CCNH: variants seen among roughly 807,000 people sequenced by gnomAD.
CCNH encodes cyclin-H.
Under a neutral mutation model 41.9 loss-of-function variants are expected in CCNH, and 31 were observed. The ratio of observed to expected loss-of-function variants is 0.74; its 90% CI spans 0.56 to 1.00. CCNH has a LOEUF of 1.00. Ranked by LOEUF, CCNH falls within the 50% of genes least tolerant of loss-of-function variation. The pLI, the probability that CCNH is intolerant of heterozygous loss-of-function variation, is 0.00. For synonymous variants in CCNH, 138 were observed against 136.1 expected, an observed-to-expected ratio of 1.01 and a Z score of -0.10; for missense variants, 362 against 388.4, an observed-to-expected ratio of 0.93 and a Z score of 0.57.
At chr5:87,385,603 G>C (rs1023612315) in intron 9 of CCNH, among the ~76,000 whole-genome samples, 3 of 151,984 alleles carry the variant, frequency 2.0e-5, no homozygotes, top group Non-Finnish European at 4.4e-5. Context: ...TATAGAAAAC[G>C]AATTTTTCAA....
chr5:87,394,882 T>G, intron 8 of CCNH, 162 bp downstream of exon 8: 1 of 1,415,724 alleles, frequency 7.1e-7, no homozygotes, highest in Non-Finnish European at 9.2e-7. Flanking sequence ...AAAAATCCCT[T>G]TAATAATGGA....
chr5:87,408,352 A>G (rs1041644901), intron 3 of CCNH, among the ~76,000 whole-genome samples, 166 bp from the exon 4 acceptor site: 2 of 152,216 alleles, frequency 1.3e-5, no homozygotes, highest in Non-Finnish European at 2.9e-5. Context: ...TTTAAAAGAC[A>G]CTTCCTGTTC....
rs749876769 is a variant in CCNH, at chr5:87,369,846, T to G, written c.*90+22924A>C. ...GTTTTCAGATAGTAGTTCAGCACTT[T>G]AGTGAAGAACATTACATCTTTTACT... On this transcript the variant is annotated intron_variant and NMD_transcript_variant, in intron 9 of 9. Transcript: ENST00000645953. 4.3e-6 allele frequency: 7 copies of G among 1,612,310 alleles called. No homozygotes were observed. In the South Asian group the frequency reaches 7.7e-5, roughly 18 times the overall value.
chr5:87,395,477 C>T (rs1211776231), intron 7 of CCNH, among the ~76,000 whole-genome samples: 1 of 152,002 alleles, frequency 6.6e-6, no homozygotes, highest in Non-Finnish European at 1.5e-5. Flanking sequence ...TTAAACAGAT[C>T]AATGATCAGA....
At chr5:87,366,153 C>T (rs886357267) in intron 9 of CCNH, among the ~76,000 whole-genome samples, 1 of 151,962 alleles carries the variant, frequency 6.6e-6, no homozygotes, top group South Asian at 2.1e-4. Flanking sequence ...ATGTACAATA[C>T]AAAAAGATAT....
intron 9 of CCNH, among the ~76,000 whole-genome samples, chr5:87,321,698 C>T (rs1756823535): frequency 6.6e-6 from 1 of 152,244 alleles, no homozygotes; most frequent in Admixed American, 6.5e-5. Flanking sequence ...TAGGGTATGC[C>T]ACTCTCCCAG....
downstream of CCNH, chr5:87,394,230 A>AGTC: frequency 8.2e-7 from 1 of 1,213,710 alleles, no homozygotes; most frequent in Non-Finnish European, 1.0e-6. Flanking sequence ...ATTTGATATT[A>AGTC]GTCACGATGG....
chr5:87,409,388 T>G (rs568653433), intron 2 of CCNH, 25 bp from the exon 3 acceptor site: 1 of 1,272,570 alleles, frequency 7.9e-7, no homozygotes, highest in Non-Finnish European at 1.1e-6. Flanking sequence ...AAATATATCA[T>G]CAGGATCTAG....
chr5:87,315,562 A>C (rs1418167917), downstream of CCNH, among the ~76,000 whole-genome samples: 1 of 152,236 alleles, frequency 6.6e-6, no homozygotes, highest in Non-Finnish European at 1.5e-5. Context: ...CTTTTAAAAA[A>C]ATCTTGTGTT....
downstream of CCNH, among the ~76,000 whole-genome samples, chr5:87,374,566 A>G (rs1761191183): frequency 6.6e-6 from 1 of 150,702 alleles, no homozygotes; most frequent in Non-Finnish European, 1.5e-5. Context: ...AAAAACATTT[A>G]CTAACCCACA....
At chr5:87,341,333 T>A in intron 9 of CCNH, 1 of 1,313,506 alleles carries the variant, frequency 7.6e-7, no homozygotes. Context: ...TGAGTTTGTG[T>A]TAATTATTAA....
At chr5:87,346,852 G>C in intron 9 of CCNH, 1 of 605,050 alleles carries the variant, frequency 1.7e-6, no homozygotes. Flanking sequence ...TTCGTGTCCA[G>C]TACTAAGAAG....
chr5:87,369,026 C>A lies in CCNH; in HGVS notation c.*90+23744G>T, dbSNP rs78087724. Among the ~76,000 whole-genome samples the A allele has an allele frequency of 7.0e-3, 1,068 of 152,222 alleles. 17 individuals are homozygous for A. The highest frequency in any genetic ancestry group is 0.07 in the South Asian group (336 of 4,822). On this transcript the variant is annotated intron_variant and NMD_transcript_variant, in intron 9 of 9. Transcript: ENST00000645953. ...CATTCTCAAAGCATGAAAATATAGTCTTTATCTTTAATAAGTGTTAAGCTT... is the reference window on the plus strand; with the variant it reads ...CATTCTCAAAGCATGAAAATATAGTATTTATCTTTAATAAGTGTTAAGCTT...
downstream of CCNH, among the ~76,000 whole-genome samples, chr5:87,375,178 A>G (rs746718468): frequency 2.0e-5 from 3 of 152,164 alleles, no homozygotes; most frequent in Non-Finnish European, 4.4e-5. Context: ...TCTCCAATGA[A>G]TAGGAAGAAT....
At chr5:87,402,397 C>G (rs1452757322) in intron 5 of CCNH, among the ~76,000 whole-genome samples, 4 of 152,118 alleles carry the variant, frequency 2.6e-5, no homozygotes, top group African/African-American at 9.7e-5. Flanking sequence ...GAGCCACTGA[C>G]AGTATGAAAA....
At chr5:87,379,714 T>A (rs1471149721), upstream of CCNH, 4 of 1,609,738 alleles carry the variant, frequency 2.5e-6, no homozygotes, top group African/African-American at 5.3e-5. Flanking sequence ...TGCATTTATA[T>A]TGATTTATTC....
chr5:87,394,502 T>C lies in CCNH; in HGVS notation c.934-18A>G. 3 of 1,613,424 alleles carry C rather than the reference T, an allele frequency of 1.9e-6. No individual in the cohort carries two copies. The highest frequency in any genetic ancestry group is 1.1e-5 in the South Asian group (1 of 91,022). ...CATTCTTCCTAAGAAGGAAAAAAAG[T>C]GTGGTAAGGATAACACTGAAGCATA... On this transcript the variant is annotated intron_variant, in intron 8 of 8. Coordinates refer to ENST00000256897, the MANE Select transcript of CCNH (RefSeq NM_001239.4).
downstream of CCNH, among the ~76,000 whole-genome samples, chr5:87,314,715 T>G (rs1262238893): frequency 3.3e-5 from 5 of 152,006 alleles, no homozygotes; most frequent in Non-Finnish European, 7.4e-5. Flanking sequence ...AGAGAAAGGC[T>G]GTGGGACGAA....
intron 9 of CCNH, among the ~76,000 whole-genome samples, chr5:87,336,847 T>C (rs968259702): frequency 6.6e-6 from 1 of 152,074 alleles, no homozygotes; most frequent in Admixed American, 6.5e-5. Context: ...TGGCCATCAT[T>C]AAGAAGGATT....
Sources: allele counts gnomAD v4.1 joint callset (sites outside exome capture counted in the v4.1 genomes callset), GRCh38; gene constraint gnomAD v4.1.1; transcripts MANE v1.5; gene names NCBI Gene and HGNC (gene_info 2026-07-23, HGNC 2026-07-21).